Variants in PHF14 observed in about 807,000 individuals in gnomAD.
The protein encoded by PHF14 is PHD finger protein 14.
In PHF14, 55 loss-of-function variants were observed where a neutral mutation model predicts 117.9. The observed-to-expected ratio is 0.47, with a 90% CI of 0.38 to 0.58. The LOEUF is 0.58. Ranked by LOEUF, PHF14 falls within the 20% of genes least tolerant of loss-of-function variation. The probability of loss-of-function intolerance (pLI) is 0.00; values close to 1 mark genes in which losing one functional copy is unlikely to be tolerated. For synonymous variants in PHF14, 409 were observed against 368.6 expected (o/e 1.11, Z -1.26); for missense variants, 978 against 1,122.2 (o/e 0.87, Z 1.84).
intron 4 of PHF14, among the ~76,000 whole-genome samples, chr7:10,998,314 C>T (rs1231680430): frequency 1.3e-5 from 2 of 152,010 alleles, no homozygotes; most frequent in East Asian, 3.9e-4. Flanking sequence ...GAAGCAAAGC[C>T]ATTAGCAGAG....
intron 3 of PHF14, among the ~76,000 whole-genome samples, chr7:10,984,023 A>T (rs1394032506): frequency 6.6e-6 from 1 of 152,210 alleles, no homozygotes; most frequent in Non-Finnish European, 1.5e-5. Flanking sequence ...GTTACATCAC[A>T]TGTAGAACTG....
At chr7:11,067,890 C>T (rs986634212) in intron 16 of PHF14, among the ~76,000 whole-genome samples, 3 of 151,984 alleles carry the variant, frequency 2.0e-5, no homozygotes, top group African/African-American at 7.3e-5. Context: ...TAGAACACAC[C>T]CCTGAGGAGG....
At chr7:11,021,858 G>A (rs1410591574) in intron 5 of PHF14, among the ~76,000 whole-genome samples, 1 of 151,982 alleles carries the variant, frequency 6.6e-6, no homozygotes, top group Non-Finnish European at 1.5e-5. Flanking sequence ...AATAATTTTT[G>A]GTCTTAGTCC....
At chr7:11,073,847 T>C (rs1394818950) in intron 16 of PHF14, among the ~76,000 whole-genome samples, 1 of 152,162 alleles carries the variant, frequency 6.6e-6, no homozygotes, top group African/African-American at 2.4e-5. Context: ...CTTAACAGCA[T>C]GTGGAAAACA....
intron 6 of PHF14, among the ~76,000 whole-genome samples, chr7:11,025,521 C>T (rs538044599): frequency 5.3e-5 from 8 of 152,276 alleles, no homozygotes; most frequent in East Asian, 3.9e-4. Flanking sequence ...CAGCCGGGCA[C>T]GGTGGCTCAC....
At chr7:11,143,414 C>T (rs186973105) in intron 17 of PHF14, among the ~76,000 whole-genome samples, 6 of 152,040 alleles carry the variant, frequency 3.9e-5, no homozygotes, top group African/African-American at 7.2e-5. Flanking sequence ...AGCCACCATG[C>T]CCAGCCAATT....
At chr7:11,142,767 A>C (rs1451950883) in intron 17 of PHF14, among the ~76,000 whole-genome samples, 1 of 152,174 alleles carries the variant, frequency 6.6e-6, no homozygotes, top group East Asian at 1.9e-4. Flanking sequence ...GCAATAAAAT[A>C]CAAATGAAAT....
At chr7:11,095,773 A>C (rs762374434) in intron 16 of PHF14, among the ~76,000 whole-genome samples, 1 of 152,182 alleles carries the variant, frequency 6.6e-6, no homozygotes, top group Non-Finnish European at 1.5e-5. Flanking sequence ...TCCCTGCATG[A>C]TGTAAGTATC....
chr7:11,026,276 ATAAAG>A (rs1346950474), intron 6 of PHF14, among the ~76,000 whole-genome samples: 1 of 152,226 alleles, frequency 6.6e-6, no homozygotes, highest in Non-Finnish European at 1.5e-5. Flanking sequence ...TTTTTTAGCA[ATAAAG>A]TATTCTTAAA....
intron 7 of PHF14, among the ~76,000 whole-genome samples, chr7:11,030,444 AT>A (rs1202876627): frequency 2.0e-5 from 3 of 152,008 alleles, no homozygotes; most frequent in Non-Finnish European, 4.4e-5. Flanking sequence ...ATATGTCATC[AT>A]TTTTGGCAAG....
intron 10 of PHF14, among the ~76,000 whole-genome samples, chr7:11,038,082 G>A (rs1489001066): frequency 6.6e-6 from 1 of 152,110 alleles, no homozygotes; most frequent in African/African-American, 2.4e-5. Context: ...TAATTGGATA[G>A]CCTTGTCTCT....
intron 17 of PHF14, among the ~76,000 whole-genome samples, chr7:11,153,363 AT>A (rs1190862289): frequency 2.0e-5 from 3 of 152,190 alleles, no homozygotes; most frequent in Non-Finnish European, 4.4e-5. Context: ...ACTGAGTCTT[AT>A]AGACCAAGTG....
chr7:11,123,418 A>T (rs1009181061), intron 17 of PHF14, among the ~76,000 whole-genome samples: 1 of 152,038 alleles, frequency 6.6e-6, no homozygotes, highest in South Asian at 2.1e-4. Flanking sequence ...CTTCAAATTA[A>T]ATATTCTGAA....
chr7:11,148,215 A>G (rs969251555), intron 17 of PHF14, among the ~76,000 whole-genome samples: 10 of 152,158 alleles, frequency 6.6e-5, no homozygotes, highest in African/African-American at 2.4e-4. Context: ...GAATAAGCTT[A>G]AAACCCAAAA....
intron 5 of PHF14, among the ~76,000 whole-genome samples, chr7:11,016,948 A>G (rs1326769912): frequency 2.0e-5 from 3 of 152,014 alleles, no homozygotes; most frequent in African/African-American, 7.3e-5. Flanking sequence ...GTCTGTGTCC[A>G]TGAGTTCAGT....
intron 5 of PHF14, among the ~76,000 whole-genome samples, chr7:11,019,431 C>G (rs1364730520): frequency 3.3e-5 from 5 of 152,090 alleles, no homozygotes; most frequent in Non-Finnish European, 7.4e-5. Flanking sequence ...TGTTATTGGT[C>G]TGTACAGGCT....
At chr7:11,125,496 T>C (rs569792398) in intron 17 of PHF14, among the ~76,000 whole-genome samples, 1 of 152,216 alleles carries the variant, frequency 6.6e-6, no homozygotes, top group South Asian at 2.1e-4. Flanking sequence ...CTCGTTTGTG[T>C]TAATTCTTTT....
intron 4 of PHF14, among the ~76,000 whole-genome samples, chr7:11,003,494 G>A (rs1014705137): frequency 2.6e-5 from 4 of 151,980 alleles, no homozygotes; most frequent in African/African-American, 9.7e-5. Flanking sequence ...ATATTTTATT[G>A]TGTATATTTC....
At chr7:11,043,644 T>G (rs936791146) in intron 13 of PHF14, among the ~76,000 whole-genome samples, 1 of 151,518 alleles carries the variant, frequency 6.6e-6, no homozygotes, top group Non-Finnish European at 1.5e-5. Context: ...GAAGCTGAAA[T>G]TTTTTCACTA....
Sources: gnomAD v4.1 joint callset for allele counts (sites outside exome capture counted in the v4.1 genomes callset) on GRCh38, gnomAD v4.1.1 for gene constraint, MANE v1.5 for transcripts, NCBI Gene and HGNC (gene_info 2026-07-23, HGNC 2026-07-21) for gene names.